The following KCNV2 variants were observed in gnomAD, a reference collection of about 807,000 sequenced individuals.
KCNV2 encodes the protein potassium voltage-gated channel modifier subfamily V member 2.
KCNV2 carries 65 observed loss-of-function variants against 37.0 expected under a neutral mutation model. That is an observed-to-expected ratio of 1.76 (90% CI 1.44 to 2.16). The LOEUF is 2.16. Ranked by LOEUF, KCNV2 falls within the 30% of genes most tolerant of loss-of-function variation. KCNV2 has a pLI of 0.00. For synonymous variants in KCNV2, 518 were observed against 328.6 expected (o/e 1.58, Z -6.23); for missense variants, 1,232 against 766.7 (o/e 1.61, Z -7.17).
At position 2,717,867 on chromosome 9, in the gene KCNV2, T is replaced by A. The variant is rs1819761800; in HGVS notation, c.128T>A (p.Ile43Asn). 3.1e-6 allele frequency: 5 copies of A among 1,614,128 alleles called. No homozygotes were observed. Among genetic ancestry groups the A allele is most frequent in the African/African-American group, 1.3e-5 (1 of 75,028 alleles). Residue 43 changes from isoleucine (I) to asparagine (N), a missense_variant, in exon 1 of 2, where the codon ATC becomes AAC. Physicochemically the swap from Ile to Asn is moderately radical, Grantham distance 149 (BLOSUM62 -3). Transcript: ENST00000382082. ...GCCCGTTCCGGCTCCCAGGCCAGCA[T>A]CCACGGCTGGACAGAGGGCAACTAT... Reference protein sequence around the residue: ...LGARSGSQASIHGWTEGNYNY... With the variant: ...LGARSGSQASNHGWTEGNYNY...
At chr9:2,722,258 C>CAAAT (rs1422691943) in intron 1 of KCNV2, among the ~76,000 whole-genome samples, 2 of 117,568 alleles carry the variant, frequency 1.7e-5, no homozygotes, top group East Asian at 2.1e-4. Context: ...TATTTATTTA[C>CAAAT]AAATTAGAAG....
intron 1 of KCNV2, among the ~76,000 whole-genome samples, chr9:2,727,059 C>T (rs1819980219): frequency 6.6e-6 from 1 of 152,148 alleles, no homozygotes; most frequent in Non-Finnish European, 1.5e-5. Context: ...CCCTTCCTGT[C>T]ACTCACTCCT....
At chr9:2,726,243 AG>A (rs888401662) in intron 1 of KCNV2, among the ~76,000 whole-genome samples, 2 of 152,224 alleles carry the variant, frequency 1.3e-5, no homozygotes, top group African/African-American at 4.8e-5. Context: ...CCTGGAGCCA[AG>A]GAACAAGAAA....
intron 1 of KCNV2, chr9:2,720,580 T>A (rs547044956): frequency 6.6e-6 from 1 of 152,236 alleles, no homozygotes; most frequent in Admixed American, 6.5e-5. Context: ...GGTTGATGAT[T>A]TGTCCCCAGC....
chr9:2,725,331 A>T (rs1298518462), intron 1 of KCNV2, among the ~76,000 whole-genome samples: 1 of 152,224 alleles, frequency 6.6e-6, no homozygotes, highest in Non-Finnish European at 1.5e-5. Flanking sequence ...GATTCCACTA[A>T]TCAAGACATT....
At chr9:2,721,398 T>C (rs1819865526) in intron 1 of KCNV2, among the ~76,000 whole-genome samples, 1 of 152,200 alleles carries the variant, frequency 6.6e-6, no homozygotes, top group Non-Finnish European at 1.5e-5. Flanking sequence ...CCAGTTCTTC[T>C]CTGTACTTCT....
At chr9:2,720,828 C>T (rs991776210) in intron 1 of KCNV2, among the ~76,000 whole-genome samples, 2 of 152,054 alleles carry the variant, frequency 1.3e-5, no homozygotes, top group South Asian at 2.1e-4. Context: ...TACTTTCAAA[C>T]GGATATGGCT....
intron 1 of KCNV2, among the ~76,000 whole-genome samples, chr9:2,721,407 CT>C (rs1409736051): frequency 6.6e-6 from 1 of 152,154 alleles, no homozygotes; most frequent in Non-Finnish European, 1.5e-5. Context: ...CTCTGTACTT[CT>C]AACTACACTC....
chr9:2,720,485 G>C (rs1226013902), intron 1 of KCNV2: 3 of 152,200 alleles, frequency 2.0e-5, no homozygotes, highest in African/African-American at 7.2e-5. Flanking sequence ...GAATGAGCTA[G>C]GCAAATTCTG....
At chr9:2,727,350 G>A (rs1196443268) in intron 1 of KCNV2, among the ~76,000 whole-genome samples, 2 of 152,042 alleles carry the variant, frequency 1.3e-5, no homozygotes, top group African/African-American at 4.8e-5. Context: ...AAGTTACTGG[G>A]TGCAGCACAC....
At position 2,718,294 on chromosome 9, in the gene KCNV2, GGGCTACTGGGGCGTGC is replaced by G. The variant is rs1563795094; in HGVS notation, c.560_575del (p.Tyr187SerfsTer19). On this transcript the variant is annotated frameshift_variant, in exon 1 of 2. Transcript: ENST00000382082. LOFTEE classifies it high-confidence loss of function. ...GTCCGCGCCGCTTCCTGGAGGAGCT[GGGCTACTGGGGCGTGC>G]GGCTCAAGTACACGCCACGCTGCTG... The G allele has an allele frequency of 5.6e-6, 9 of 1,610,286 alleles. No homozygotes were observed. The highest frequency in any genetic ancestry group is 7.6e-6 in the Non-Finnish European group (9 of 1,179,542).
chr9:2,718,699 C>T lies in KCNV2; in HGVS notation c.960C>T (p.Arg320=), dbSNP rs1295618575. 1 of 1,613,242 alleles carries T rather than the reference C, an allele frequency of 6.2e-7. No homozygotes were observed. The highest frequency in any genetic ancestry group is 8.5e-7 in the Non-Finnish European group (1 of 1,179,856). Residue 320 remains arginine, a synonymous_variant, in exon 1 of 2, where the codon CGC becomes CGT. Transcript: ENST00000382082. ...TCTTCACGCTCGAGTACCTGCTGCG[C>T]CTAGCCTCCACGCCCGACCTGAGGC... The part of the protein sequence containing the change: ...MGFFTLEYLL[R]LASTPDLRRF...
chr9:2,727,297 G>T (rs1051777187), intron 1 of KCNV2, among the ~76,000 whole-genome samples: 1 of 146,864 alleles, frequency 6.8e-6, no homozygotes, highest in Non-Finnish European at 1.5e-5. Flanking sequence ...GGTGGGGGAG[G>T]GGGGAGGGGT....
chr9:2,719,467 C>T (rs1034312853), intron 1 of KCNV2, among the ~76,000 whole-genome samples: 1 of 151,730 alleles, frequency 6.6e-6, no homozygotes, highest in East Asian at 1.9e-4. Context: ...ATGGTTATGA[C>T]CACCATTTTT....
Position 2,729,804 on chromosome 9 carries a change from G to A in KCNV2, c.*77G>A. On this transcript the variant is annotated 3_prime_UTR_variant, in exon 2 of 2. Coordinates refer to ENST00000382082, the MANE Select transcript of KCNV2 (RefSeq NM_133497.4). ...GCTCTTTTTTTAATCATTATGATTG[G>A]CAGCAAAAGGAAATGTGAAGCAGAC... The A allele has an allele frequency of 1.4e-6, 2 of 1,461,844 alleles. No individual in the cohort carries two copies. The highest frequency in any genetic ancestry group is 1.9e-6 in the Non-Finnish European group (2 of 1,044,130). The allele number at this position is 1,461,844 out of a possible 1,614,324, so 90.6% of individuals were successfully genotyped here. A position where few individuals can be genotyped will look rare whatever the true frequency, so the allele number is the denominator to read the frequency against.
Position 2,717,858 on chromosome 9 carries a change from A to G in KCNV2, c.119A>G (p.Gln40Arg), listed in dbSNP as rs1227914458. 2 of 1,614,088 alleles carry G rather than the reference A, an allele frequency of 1.2e-6. No homozygotes were observed. The highest frequency in any genetic ancestry group is 1.7e-6 in the Non-Finnish European group (2 of 1,180,040). Residue 40 changes from glutamine (Q) to arginine (R), a missense_variant, in exon 1 of 2, where the codon CAG becomes CGG. By Grantham distance (43) the Gln-to-Arg change is conservative. Transcript: ENST00000382082. ...ICSLGARSGS[Q>R]ASIHGWTEGN... ...TCCCTGGGTGCCCGTTCCGGCTCCC[A>G]GGCCAGCATCCACGGCTGGACAGAG...
At position 2,717,890 on chromosome 9, in the gene KCNV2, T is replaced by G; in HGVS notation, c.151T>G (p.Tyr51Asp). 1 of 1,614,132 alleles carries G rather than the reference T, an allele frequency of 6.2e-7. No homozygotes were observed. The highest frequency in any genetic ancestry group is 1.6e-4 in the Middle Eastern group (1 of 6,062). ...CATCCACGGCTGGACAGAGGGCAAC[T>G]ATAACTACTACATCGAGGAAGACGA... ...ASIHGWTEGN[Y>D]NYYIEEDEDG... Residue 51 changes from tyrosine to aspartate, a missense_variant, in exon 1 of 2, where the codon TAT becomes GAT. Tyr to Asp is a radical substitution (Grantham distance 160). Coordinates refer to ENST00000382082, the MANE Select transcript of KCNV2 (RefSeq NM_133497.4).
intron 1 of KCNV2, among the ~76,000 whole-genome samples, chr9:2,729,034 CA>C (rs981205353): frequency 1.3e-5 from 2 of 152,164 alleles, no homozygotes; most frequent in African/African-American, 4.8e-5. Context: ...AGTGTACAGG[CA>C]AACCCAGGGA....
In KCNV2 at chr9:2,718,833, CGGT is replaced by C. The variant is rs780756183; in HGVS notation, c.1097_1099del (p.Val366del). 8 of 1,609,610 alleles carry C rather than the reference CGGT, an allele frequency of 5.0e-6. No individual in the cohort carries two copies. The highest frequency in any genetic ancestry group is 6.8e-6 in the Non-Finnish European group (8 of 1,179,926). ...GGCGAGGGCCACCAACGCGGCCAGA[CGGT>C]GGGCAGCGTGGGTAAGGTGGGTCAG... On this transcript the variant is annotated inframe_deletion, in exon 1 of 2. Coordinates refer to ENST00000382082, the MANE Select transcript of KCNV2 (RefSeq NM_133497.4).
Sources: gnomAD v4.1 joint callset for allele counts (sites outside exome capture counted in the v4.1 genomes callset) on GRCh38, gnomAD v4.1.1 for gene constraint, MANE v1.5 for transcripts, NCBI Gene and HGNC (gene_info 2026-07-23, HGNC 2026-07-21) for gene names.